The following RABGAP1L variants were observed in gnomAD, a reference collection of about 807,000 sequenced individuals.
The protein encoded by RABGAP1L is rab GTPase-activating protein 1-like.
Under a neutral mutation model 137.7 loss-of-function variants are expected in RABGAP1L, and 63 were observed. The ratio of observed to expected loss-of-function variants is 0.46; its 90% CI spans 0.37 to 0.56. RABGAP1L has a LOEUF of 0.56. Ranked by LOEUF, RABGAP1L falls within the 20% of genes least tolerant of loss-of-function variation. The pLI is 0.00. For missense variants in RABGAP1L, 1,095 were observed against 1,244.0 expected, an observed-to-expected ratio of 0.88 and a Z score of 1.80; for synonymous variants, 431 against 433.7, an observed-to-expected ratio of 0.99 and a Z score of 0.08.
At chr1:174,897,215 C>G (rs999196361) in intron 19 of RABGAP1L, 1 of 152,114 alleles carries the variant, frequency 6.6e-6, no homozygotes. Context: ...AATGGGAGTT[C>G]ACTCATGATT....
chr1:174,430,798 C>G (rs977765801), intron 13 of RABGAP1L, among the ~76,000 whole-genome samples: 1 of 152,058 alleles, frequency 6.6e-6, no homozygotes, highest in Non-Finnish European at 1.5e-5. Context: ...AATAATTAAA[C>G]TCATGATTAA....
chr1:174,193,342 GC>G (rs756895578), intron 1 of RABGAP1L, among the ~76,000 whole-genome samples: 1 of 152,208 alleles, frequency 6.6e-6, no homozygotes, highest in Non-Finnish European at 1.5e-5. Context: ...GACCACCCTT[GC>G]CAACATGACA....
intron 10 of RABGAP1L, among the ~76,000 whole-genome samples, chr1:174,279,845 T>C (rs191641595): frequency 1.3e-3 from 202 of 152,238 alleles, no homozygotes; most frequent in Non-Finnish European, 2.5e-3. Flanking sequence ...AAAAAATAGC[T>C]TAGTTATGAC....
At chr1:174,329,471 A>G (rs1053242721) in intron 11 of RABGAP1L, among the ~76,000 whole-genome samples, 1 of 152,216 alleles carries the variant, frequency 6.6e-6, no homozygotes, top group African/African-American at 2.4e-5. Context: ...AACTCTTTCA[A>G]ACCCATTTTA....
intron 13 of RABGAP1L, among the ~76,000 whole-genome samples, chr1:174,622,983 A>T (rs960807764): frequency 1.3e-5 from 2 of 152,188 alleles, no homozygotes; most frequent in Admixed American, 1.3e-4. Flanking sequence ...AATTTCCAAG[A>T]TCATTTTAAT....
chr1:174,963,640 G>T (rs1669362071), intron 20 of RABGAP1L, among the ~76,000 whole-genome samples: 1 of 151,492 alleles, frequency 6.6e-6, no homozygotes, highest in Non-Finnish European at 1.5e-5. Context: ...TTTGATTTGT[G>T]TACTAGAGTA....
intron 13 of RABGAP1L, among the ~76,000 whole-genome samples, chr1:174,528,814 G>A (rs12092811): frequency 0.12 from 18,030 of 151,154 alleles, 3,626 homozygotes; most frequent in African/African-American, 0.41. Context: ...TTCTCCCTTC[G>A]CCATCTGGGA....
chr1:174,441,253 A>G (rs1654109748), intron 13 of RABGAP1L, among the ~76,000 whole-genome samples: 1 of 151,992 alleles, frequency 6.6e-6, no homozygotes, highest in Admixed American at 6.5e-5. Flanking sequence ...AAAAAATGGC[A>G]ATAATAAGAT....
chr1:174,410,955 C>A (rs548299621), intron 13 of RABGAP1L, among the ~76,000 whole-genome samples: 1 of 152,212 alleles, frequency 6.6e-6, no homozygotes, highest in South Asian at 2.1e-4. Context: ...AAATCTTTTA[C>A]CTCCTTGGTT....
intron 11 of RABGAP1L, among the ~76,000 whole-genome samples, chr1:174,323,882 G>T (rs189278724): frequency 2.0e-4 from 31 of 152,202 alleles, no homozygotes; most frequent in Admixed American, 1.2e-3. Flanking sequence ...GCTTGAAAAG[G>T]TATTTTATGA....
At chr1:174,304,965 A>G (rs1252029265) in intron 10 of RABGAP1L, 21 bp from the exon 11 acceptor site, 1 of 1,510,668 alleles carries the variant, frequency 6.6e-7, no homozygotes, top group Non-Finnish European at 8.9e-7. Context: ...ATACTTAAAT[A>G]TACTGTTATA....
intron 14 of RABGAP1L, among the ~76,000 whole-genome samples, chr1:174,651,593 C>A (rs979213738): frequency 6.6e-6 from 1 of 152,068 alleles, no homozygotes; most frequent in Non-Finnish European, 1.5e-5. Flanking sequence ...TATGTAATGG[C>A]CTTCTTTGTC....
intron 19 of RABGAP1L, among the ~76,000 whole-genome samples, chr1:174,905,117 C>G (rs1658827405): frequency 6.6e-6 from 1 of 152,056 alleles, no homozygotes; most frequent in South Asian, 2.1e-4. Flanking sequence ...AGGAAGTGAC[C>G]TAGTAGTAAA....
At chr1:174,241,755 T>C in intron 5 of RABGAP1L, 98 bp downstream of exon 5, 1 of 1,070,796 alleles carries the variant, frequency 9.3e-7, no homozygotes, top group Non-Finnish European at 1.3e-6. Flanking sequence ...TACATAAATT[T>C]GGAGTATGTT....
intron 13 of RABGAP1L, among the ~76,000 whole-genome samples, chr1:174,556,325 C>T (rs1446431521): frequency 2.0e-5 from 3 of 152,034 alleles, no homozygotes; most frequent in Admixed American, 1.3e-4. Flanking sequence ...TATTTCATTA[C>T]ATATGTTCAT....
intron 7 of RABGAP1L, among the ~76,000 whole-genome samples, chr1:174,252,972 T>C (rs1672834585): frequency 6.6e-6 from 1 of 152,058 alleles, no homozygotes; most frequent in Admixed American, 6.6e-5. Flanking sequence ...AATATATAAA[T>C]ACATACACAT....
chr1:174,904,085 A>G (rs779740170), intron 19 of RABGAP1L, among the ~76,000 whole-genome samples: 5 of 151,968 alleles, frequency 3.3e-5, no homozygotes, highest in Admixed American at 6.6e-5. Context: ...GATTTTTGCT[A>G]GCAACAACTC....
chr1:174,404,390 A>G (rs1236455039), intron 13 of RABGAP1L, among the ~76,000 whole-genome samples: 2 of 152,288 alleles, frequency 1.3e-5, no homozygotes, highest in East Asian at 1.9e-4. Flanking sequence ...TTTGAGAGTT[A>G]AATCAGTATG....
At chr1:174,886,812 C>CTTTTTTTTTTT (rs11385190) in intron 19 of RABGAP1L, among the ~76,000 whole-genome samples, 2 of 149,152 alleles carry the variant, frequency 1.3e-5, no homozygotes, top group Non-Finnish European at 1.5e-5. Context: ...CCATTTAATT[C>CTTTTTTTTTTT]TTTTTTTTTT....
Sources: allele counts gnomAD v4.1 joint callset (sites outside exome capture counted in the v4.1 genomes callset), GRCh38; gene constraint gnomAD v4.1.1; transcripts MANE v1.5; gene names NCBI Gene and HGNC (gene_info 2026-07-23, HGNC 2026-07-21).